GLIS3: variants seen among roughly 807,000 people sequenced by gnomAD.
The protein encoded by GLIS3 is GLIS family zinc finger 3, also known as zinc finger protein GLIS3.
Under a neutral mutation model 78.6 loss-of-function variants are expected in GLIS3, and 53 were observed. That is an observed-to-expected ratio of 0.67 (90% CI 0.54 to 0.85). The LOEUF is 0.85. GLIS3 is among the 40% of genes least tolerant of loss of function. The probability of loss-of-function intolerance (pLI) is 0.00; values close to 1 mark genes in which losing one functional copy is unlikely to be tolerated. For synonymous variants in GLIS3, 684 were observed against 509.9 expected, an observed-to-expected ratio of 1.34 and a Z score of -4.60; for missense variants, 1,703 against 1,231.1, an observed-to-expected ratio of 1.38 and a Z score of -5.74.
At chr9:4,360,476 G>A in the GLIS3 span, among the ~76,000 whole-genome samples, 5 of 152,104 alleles carry the variant, frequency 3.3e-5, no homozygotes, top group Admixed American at 6.5e-5. Context: ...ATTTGCTGTC[G>A]TTTCAATAAC....
intron 4 of GLIS3, among the ~76,000 whole-genome samples, chr9:4,091,463 A>G (rs1311745221): frequency 6.6e-6 from 1 of 152,184 alleles, no homozygotes; most frequent in African/African-American, 2.4e-5. Flanking sequence ...AATAAAAACA[A>G]TAATAATAAA....
At chr9:3,876,277 T>G (rs1821300476) in intron 8 of GLIS3, among the ~76,000 whole-genome samples, 1 of 150,830 alleles carries the variant, frequency 6.6e-6, no homozygotes, top group African/African-American at 2.4e-5. Flanking sequence ...ATAATAACAA[T>G]AAAAAGCTGG....
intron 4 of GLIS3, among the ~76,000 whole-genome samples, chr9:4,060,137 G>A (rs1826522917): frequency 6.6e-6 from 1 of 152,050 alleles, no homozygotes; most frequent in African/African-American, 2.4e-5. Context: ...AGATGTCTCA[G>A]GCAAGCTCTG....
chr9:4,205,903 T>C (rs1167180545), intron 2 of GLIS3, among the ~76,000 whole-genome samples: 2 of 152,226 alleles, frequency 1.3e-5, no homozygotes, highest in Non-Finnish European at 2.9e-5. Flanking sequence ...GAAAACTGTT[T>C]AGGCTGCACT....
chr9:4,007,092 T>C (rs1399193217), intron 4 of GLIS3, among the ~76,000 whole-genome samples: 1 of 152,168 alleles, frequency 6.6e-6, no homozygotes, highest in Non-Finnish European at 1.5e-5. Context: ...ATTCAACTCA[T>C]CTTTCTAGAA....
At chr9:4,132,742 A>G (rs950899072) in intron 2 of GLIS3, among the ~76,000 whole-genome samples, 1 of 152,156 alleles carries the variant, frequency 6.6e-6, no homozygotes, top group Admixed American at 6.5e-5. Context: ...ATATAAAATG[A>G]TATTCTTAAT....
At chr9:4,430,446 C>G in the GLIS3 span, among the ~76,000 whole-genome samples, 105 of 152,338 alleles carry the variant, frequency 6.9e-4, 5 homozygotes, top group South Asian at 0.022. Context: ...TGCACTGTTG[C>G]CAGTAGTCAC....
At chr9:4,201,078 C>T (rs2131263263) in intron 2 of GLIS3, among the ~76,000 whole-genome samples, 1 of 152,150 alleles carries the variant, frequency 6.6e-6, no homozygotes, top group East Asian at 1.9e-4. Context: ...GAATTAAAAA[C>T]AAAACCACTC....
the GLIS3 span, among the ~76,000 whole-genome samples, chr9:4,428,122 G>A: frequency 6.6e-6 from 1 of 152,076 alleles, no homozygotes; most frequent in Admixed American, 6.5e-5. Context: ...GGGAGTTTCA[G>A]GTGGCAATAT....
At chr9:4,248,460 G>C (rs1459965025) in intron 2 of GLIS3, among the ~76,000 whole-genome samples, 1 of 152,148 alleles carries the variant, frequency 6.6e-6, no homozygotes, top group Admixed American at 6.5e-5. Flanking sequence ...TGGTGTATAT[G>C]TGCCACATTT....
intron 2 of GLIS3, among the ~76,000 whole-genome samples, chr9:4,320,886 G>A (rs1817513072): frequency 6.6e-6 from 1 of 152,040 alleles, no homozygotes; most frequent in Non-Finnish European, 1.5e-5. Flanking sequence ...TACACTGAAG[G>A]CAGGTAAGTT....
intron 2 of GLIS3, among the ~76,000 whole-genome samples, chr9:4,248,422 T>A (rs973755664): frequency 4.6e-5 from 7 of 152,200 alleles, no homozygotes; most frequent in Admixed American, 6.5e-5. Flanking sequence ...ATGAACTCAA[T>A]TCTTTTTTAT....
At chr9:4,306,315 C>T (rs1247626228) in intron 4 of GLIS3, among the ~76,000 whole-genome samples, 1 of 152,066 alleles carries the variant, frequency 6.6e-6, no homozygotes, top group East Asian at 1.9e-4. Flanking sequence ...AAAGTTATGG[C>T]TCATTCTCTC....
At chr9:4,484,857 T>A in the GLIS3 span, among the ~76,000 whole-genome samples, 2 of 152,112 alleles carry the variant, frequency 1.3e-5, no homozygotes, top group Non-Finnish European at 2.9e-5. Context: ...AGATTAGGAT[T>A]ATGAAGGGAG....
intron 4 of GLIS3, among the ~76,000 whole-genome samples, chr9:4,087,554 T>C (rs943714238): frequency 2.0e-5 from 3 of 152,002 alleles, no homozygotes; most frequent in African/African-American, 4.8e-5. Flanking sequence ...GAAAACCCCA[T>C]GATATGGAGA....
At chr9:4,181,302 C>G (rs765555892) in intron 2 of GLIS3, among the ~76,000 whole-genome samples, 11 of 152,208 alleles carry the variant, frequency 7.2e-5, no homozygotes, top group Non-Finnish European at 1.2e-4. Flanking sequence ...TCTGGTCTTC[C>G]GTCGTTCACA....
At chr9:4,297,477 G>C (rs1257854627) in intron 1 of GLIS3, among the ~76,000 whole-genome samples, 2 of 152,182 alleles carry the variant, frequency 1.3e-5, no homozygotes, top group Non-Finnish European at 2.9e-5. Flanking sequence ...CCACTGGGGG[G>C]AGCTGCAGAA....
intron 2 of GLIS3, among the ~76,000 whole-genome samples, chr9:4,261,473 G>C (rs1360596352): frequency 6.6e-6 from 1 of 152,162 alleles, no homozygotes. Flanking sequence ...AACAGAGGTA[G>C]GGAAGAATAT....
intron 8 of GLIS3, among the ~76,000 whole-genome samples, chr9:3,867,597 C>G (rs1820671265): frequency 6.6e-6 from 1 of 152,242 alleles, no homozygotes. Flanking sequence ...CCAACCTTTT[C>G]TAATCTAAAA....
Sources: allele counts gnomAD v4.1 joint callset (sites outside exome capture counted in the v4.1 genomes callset), GRCh38; gene constraint gnomAD v4.1.1; transcripts MANE v1.5; gene names NCBI Gene and HGNC (gene_info 2026-07-23, HGNC 2026-07-21).